PDE7B: variants seen among roughly 807,000 people sequenced by gnomAD.
The protein encoded by PDE7B is phosphodiesterase 7B, also known as 3',5'-cyclic-AMP phosphodiesterase 7B.
A neutral mutation model predicts 56.2 loss-of-function variants in PDE7B; 29 were observed. The observed-to-expected ratio is 0.52, with a 90% confidence interval of 0.38 to 0.70. The LOEUF is 0.70. Among genes scored for constraint, PDE7B ranks in the 30% least tolerant of loss-of-function variants. The probability of loss-of-function intolerance (pLI) is 0.00; values close to 1 mark genes in which losing one functional copy is unlikely to be tolerated. For synonymous variants in PDE7B, 197 were observed against 196.9 expected (o/e 1.00, Z 0.00); for missense variants, 490 against 565.0 (o/e 0.87, Z 1.35).
intron 3 of PDE7B, among the ~76,000 whole-genome samples, chr6:136,135,778 T>C (rs1357153317): frequency 6.6e-6 from 1 of 152,072 alleles, no homozygotes; most frequent in African/African-American, 2.4e-5. Context: ...ACTGAAGTCA[T>C]TACAACCAAG....
At chr6:136,115,466 G>T (rs530860564) in intron 3 of PDE7B, among the ~76,000 whole-genome samples, 23 of 152,234 alleles carry the variant, frequency 1.5e-4, no homozygotes, top group Non-Finnish European at 3.1e-4. Flanking sequence ...CTAGATAAAA[G>T]TGTTATTGAA....
At chr6:136,102,040 G>T (rs1777571391) in intron 2 of PDE7B, among the ~76,000 whole-genome samples, 2 of 152,174 alleles carry the variant, frequency 1.3e-5, no homozygotes, top group Non-Finnish European at 1.5e-5. Flanking sequence ...GGAGATGCTG[G>T]CCACGTGCAG....
At chr6:135,975,174 C>T (rs536426759) in intron 2 of PDE7B, among the ~76,000 whole-genome samples, 4 of 143,336 alleles carry the variant, frequency 2.8e-5, no homozygotes, top group Non-Finnish European at 6.1e-5. Flanking sequence ...TTCAAGAAAA[C>T]CTGGAAATTC....
rs368473978 is a variant in PDE7B at position 136,019,993 on chromosome 6, C to T, written c.82+72469C>T. Among the ~76,000 whole-genome samples, 21 of 152,208 alleles carry T rather than the reference C, an allele frequency of 1.4e-4. 1 individual carries two copies. The highest frequency in any genetic ancestry group is 5.2e-4 in the Admixed American group (8 of 15,284). Reference sequence around the variant, plus strand: ...TACTTATAAGTGGACCTATGCAGTTCGAACCTATGTTATTCAAGGGTCAAC... The same window carrying T: ...TACTTATAAGTGGACCTATGCAGTTTGAACCTATGTTATTCAAGGGTCAAC... On this transcript the variant is annotated intron_variant, in intron 2 of 12. Transcript: ENST00000308191.
intron 11 of PDE7B, among the ~76,000 whole-genome samples, chr6:136,183,091 A>AT (rs1247759480): frequency 6.7e-6 from 1 of 148,738 alleles, no homozygotes; most frequent in Non-Finnish European, 1.5e-5. Flanking sequence ...AAAAAAAAAA[A>AT]CCCTTTTCTC....
rs1001251421 is a variant in PDE7B at position 135,888,932 on chromosome 6, T to C, written c.21+36913T>C. Among the ~76,000 whole-genome samples the C allele has an allele frequency of 2.0e-5, 3 of 152,292 alleles. No homozygotes were observed. In the South Asian group the frequency reaches 6.2e-4, roughly 32 times the overall value. On this transcript the variant is annotated intron_variant, in intron 1 of 12. Transcript: ENST00000308191. ...GAAATACTATAAATACATCTAAAGT[T>C]GTGTGATTTCTATAAGTTACAAGTG...
intron 8 of PDE7B, among the ~76,000 whole-genome samples, chr6:136,161,060 A>T (rs555634100): frequency 2.0e-5 from 3 of 152,310 alleles, no homozygotes; most frequent in South Asian, 4.1e-4. Flanking sequence ...CCTTCTGCCT[A>T]TTTGAATAAA....
At chr6:136,178,393 C>G (rs893933678) in intron 9 of PDE7B, among the ~76,000 whole-genome samples, 6 of 152,130 alleles carry the variant, frequency 3.9e-5, no homozygotes, top group African/African-American at 1.4e-4. Flanking sequence ...AAAGCTCCAA[C>G]TTGCTTTACC....
At chr6:135,866,970 T>C (rs1775273013) in intron 1 of PDE7B, among the ~76,000 whole-genome samples, 1 of 152,210 alleles carries the variant, frequency 6.6e-6, no homozygotes, top group Non-Finnish European at 1.5e-5. Flanking sequence ...TCTGGCGGTT[T>C]GTCAGCTTTT....
Position 136,092,760 on chromosome 6 carries a change from AAAAAC to A in PDE7B, c.83-15950_83-15946del, listed in dbSNP as rs371445827. Among the ~76,000 whole-genome samples, 634 of 152,232 alleles carry A rather than the reference AAAAAC, an allele frequency of 4.2e-3. 5 individuals are homozygous for A. The highest frequency in any genetic ancestry group is 0.014 in the African/African-American group (590 of 41,496). ...TGGACAACAAGAGCGAGACTGTCTCAAAAACAAAACAAAACAAAACAAAACTCAGA... is the reference window on the plus strand; with the variant it reads ...TGGACAACAAGAGCGAGACTGTCTCAAAAACAAAACAAAACAAAACTCAGA... On this transcript the variant is annotated intron_variant, in intron 2 of 12. Coordinates refer to ENST00000308191, the MANE Select transcript of PDE7B (RefSeq NM_018945.4).
At chr6:135,910,997 G>T (rs1027807821) in intron 1 of PDE7B, among the ~76,000 whole-genome samples, 3 of 152,128 alleles carry the variant, frequency 2.0e-5, no homozygotes, top group Admixed American at 6.5e-5. Flanking sequence ...GATTGGTGGG[G>T]CAGTAATTAT....
intron 1 of PDE7B, among the ~76,000 whole-genome samples, chr6:135,906,832 T>TTTTTG (rs1257351941): frequency 6.9e-6 from 1 of 144,008 alleles, no homozygotes; most frequent in African/African-American, 2.7e-5. Context: ...TTTTTTTTTT[T>TTTTTG]TTTTAATCCT....
At chr6:136,163,500 G>A (rs757850726) in intron 8 of PDE7B, among the ~76,000 whole-genome samples, 14 of 152,190 alleles carry the variant, frequency 9.2e-5, no homozygotes, top group African/African-American at 1.2e-4. Context: ...GTGATGGTTC[G>A]GGCTGCCATG....
At chr6:135,919,078 T>C (rs988991831) in intron 1 of PDE7B, among the ~76,000 whole-genome samples, 1 of 152,216 alleles carries the variant, frequency 6.6e-6, no homozygotes, top group East Asian at 1.9e-4. Flanking sequence ...CAACTGAGTA[T>C]GGGAGTTACT....
intron 1 of PDE7B, among the ~76,000 whole-genome samples, chr6:135,937,664 CT>C (rs911738661): frequency 2.0e-5 from 3 of 152,166 alleles, no homozygotes; most frequent in African/African-American, 7.2e-5. Context: ...GAAGGGACCC[CT>C]TTTTCCCAAA....
intron 2 of PDE7B, among the ~76,000 whole-genome samples, chr6:136,058,933 T>G (rs2128212313): frequency 6.6e-6 from 1 of 152,232 alleles, no homozygotes; most frequent in East Asian, 1.9e-4. Flanking sequence ...GCCTTTTAGG[T>G]TCTGCTATGG....
chr6:135,971,278 T>G (rs1038748829), intron 2 of PDE7B, among the ~76,000 whole-genome samples: 3 of 152,156 alleles, frequency 2.0e-5, no homozygotes, highest in African/African-American at 7.2e-5. Context: ...AAACAGATGC[T>G]TCTCTGAAGG....
chr6:135,988,779 A>G (rs528199610), intron 2 of PDE7B, among the ~76,000 whole-genome samples: 51 of 152,272 alleles, frequency 3.3e-4, no homozygotes, highest in Non-Finnish European at 5.6e-4. Flanking sequence ...TTTTGTTGTC[A>G]CTGTTGCTTT....
At chr6:136,114,334 C>G (rs1478390978) in intron 3 of PDE7B, among the ~76,000 whole-genome samples, 4 of 152,090 alleles carry the variant, frequency 2.6e-5, no homozygotes, top group African/African-American at 4.8e-5. Context: ...CCCAGAGACT[C>G]AAATATTTTT....
Sources: allele counts gnomAD v4.1 joint callset (sites outside exome capture counted in the v4.1 genomes callset), GRCh38; gene constraint gnomAD v4.1.1; transcripts MANE v1.5; gene names NCBI Gene and HGNC (gene_info 2026-07-23, HGNC 2026-07-21).